Variants in DPYD observed in about 807,000 individuals in gnomAD.
DPYD encodes the protein dihydropyrimidine dehydrogenase [NADP(+)].
A neutral mutation model predicts 116.2 loss-of-function variants in DPYD; 109 were observed. The observed-to-expected ratio is 0.94, with a 90% CI of 0.80 to 1.10. The LOEUF is 1.10. Ranked by LOEUF, DPYD falls within the 50% of genes least tolerant of loss-of-function variation. The pLI, the probability that DPYD is intolerant of heterozygous loss-of-function variation, is 0.00. For synonymous variants in DPYD, 440 were observed against 432.0 expected (o/e 1.02, Z -0.23); for missense variants, 1,302 against 1,254.5 (o/e 1.04, Z -0.57).
At chr1:97,248,131 G>GT (rs1250358608) in intron 18 of DPYD, among the ~76,000 whole-genome samples, 1 of 152,174 alleles carries the variant, frequency 6.6e-6, no homozygotes, top group Non-Finnish European at 1.5e-5. Context: ...TATAAAAGGT[G>GT]TAAAGCATCA....
At chr1:97,374,235 G>GT (rs1671468058) in intron 15 of DPYD, among the ~76,000 whole-genome samples, 1 of 152,150 alleles carries the variant, frequency 6.6e-6, no homozygotes, top group Non-Finnish European at 1.5e-5. Flanking sequence ...GAAATAGGAA[G>GT]TATTGATAGT....
At chr1:97,450,634 T>C (rs1484439496) in intron 13 of DPYD, among the ~76,000 whole-genome samples, 1 of 151,990 alleles carries the variant, frequency 6.6e-6, no homozygotes, top group Non-Finnish European at 1.5e-5. Flanking sequence ...TTAATGTTAG[T>C]AAAAAGTTTA....
intron 1 of DPYD, among the ~76,000 whole-genome samples, chr1:97,909,200 T>C (rs761768309): frequency 4.6e-5 from 7 of 152,246 alleles, no homozygotes; most frequent in East Asian, 3.9e-4. Context: ...CATACTCTTA[T>C]TGAGAAAATT....
intron 19 of DPYD, among the ~76,000 whole-genome samples, chr1:97,200,684 C>A (rs1336129243): frequency 2.0e-5 from 3 of 152,110 alleles, no homozygotes; most frequent in Non-Finnish European, 4.4e-5. Context: ...AATATCTATA[C>A]AATGATTTAT....
chr1:97,678,079 T>G (rs779722238), intron 8 of DPYD, among the ~76,000 whole-genome samples: 2 of 152,064 alleles, frequency 1.3e-5, no homozygotes, highest in African/African-American at 4.8e-5. Context: ...GGAAGAAAAT[T>G]TTTCCATGGA....
chr1:97,685,871 A>C (rs1380626502), intron 7 of DPYD, among the ~76,000 whole-genome samples: 4 of 152,220 alleles, frequency 2.6e-5, no homozygotes, highest in Non-Finnish European at 5.9e-5. Flanking sequence ...ATGCTCATGA[A>C]TAAGAATAAT....
At chr1:97,882,260 C>G (rs1361137775) in intron 2 of DPYD, among the ~76,000 whole-genome samples, 1 of 151,940 alleles carries the variant, frequency 6.6e-6, no homozygotes, top group South Asian at 2.1e-4. Context: ...ACTATGGGAT[C>G]TTTTCATGTA....
chr1:97,669,858 A>T (rs1025703571), intron 8 of DPYD, among the ~76,000 whole-genome samples: 1 of 152,128 alleles, frequency 6.6e-6, no homozygotes, highest in Non-Finnish European at 1.5e-5. Flanking sequence ...AATCCCTGCC[A>T]TTTCCATGCC....
intron 14 of DPYD, among the ~76,000 whole-genome samples, chr1:97,395,787 C>T (rs1672976051): frequency 6.6e-6 from 1 of 151,892 alleles, no homozygotes; most frequent in Admixed American, 6.6e-5. Flanking sequence ...CTTGAAGGGG[C>T]CTGGTGCTTT....
At chr1:97,140,447 G>T (rs1654128391) in intron 20 of DPYD, among the ~76,000 whole-genome samples, 1 of 152,154 alleles carries the variant, frequency 6.6e-6, no homozygotes, top group African/African-American at 2.4e-5. Context: ...CAGGGAGACA[G>T]AATGGGAGGC....
At chr1:97,690,894 G>A (rs1478260652) in intron 7 of DPYD, among the ~76,000 whole-genome samples, 1 of 151,906 alleles carries the variant, frequency 6.6e-6, no homozygotes, top group Admixed American at 6.6e-5. Flanking sequence ...TTTTTTGAGT[G>A]TTTTCTCTTT....
chr1:97,500,482 G>C (rs1679515557), intron 13 of DPYD, among the ~76,000 whole-genome samples: 1 of 151,814 alleles, frequency 6.6e-6, no homozygotes, highest in Non-Finnish European at 1.5e-5. Context: ...CTTCTAATCA[G>C]TCATTTTGTT....
intron 16 of DPYD, among the ~76,000 whole-genome samples, chr1:97,342,019 C>T (rs1669611153): frequency 6.6e-6 from 1 of 152,116 alleles, no homozygotes; most frequent in South Asian, 2.1e-4. Context: ...GAATCTCATA[C>T]TCTAGTGAGA....
chr1:97,849,092 G>T (rs1670451238), intron 2 of DPYD, among the ~76,000 whole-genome samples: 1 of 152,110 alleles, frequency 6.6e-6, no homozygotes, highest in East Asian at 1.9e-4. Flanking sequence ...TAGAGCATTA[G>T]ATAACCAAAT....
chr1:97,688,645 T>G (rs1660861558), intron 7 of DPYD, among the ~76,000 whole-genome samples: 1 of 151,952 alleles, frequency 6.6e-6, no homozygotes, highest in Non-Finnish European at 1.5e-5. Context: ...TTATCAAAAA[T>G]TCACAAAACA....
intron 19 of DPYD, among the ~76,000 whole-genome samples, chr1:97,195,139 T>C (rs763611158): frequency 1.8e-4 from 28 of 152,116 alleles, no homozygotes; most frequent in Non-Finnish European, 3.5e-4. Flanking sequence ...ATTTACAACA[T>C]GAATTCAACA....
intron 18 of DPYD, among the ~76,000 whole-genome samples, chr1:97,277,129 T>C (rs2100917397): frequency 6.6e-6 from 1 of 152,222 alleles, no homozygotes; most frequent in East Asian, 1.9e-4. Flanking sequence ...TACTGTATAT[T>C]CTCGTTTATA....
chr1:97,715,779 G>T (rs1662579631), intron 5 of DPYD, among the ~76,000 whole-genome samples: 1 of 151,860 alleles, frequency 6.6e-6, no homozygotes, highest in African/African-American at 2.4e-5. Context: ...TTAATACGGG[G>T]CTTGCACTTA....
intron 3 of DPYD, among the ~76,000 whole-genome samples, chr1:97,806,314 T>C (rs1463667960): frequency 1.3e-5 from 2 of 151,828 alleles, no homozygotes; most frequent in Admixed American, 1.3e-4. Flanking sequence ...TCACCAAAAT[T>C]TGGGTTTTGC....
Sources: allele counts gnomAD v4.1 joint callset (sites outside exome capture counted in the v4.1 genomes callset), GRCh38; gene constraint gnomAD v4.1.1; transcripts MANE v1.5; gene names NCBI Gene and HGNC (gene_info 2026-07-23, HGNC 2026-07-21).